The following TBXAS1 variants were observed in gnomAD, a reference collection of about 807,000 sequenced individuals.
The protein encoded by TBXAS1 is thromboxane-A synthase.
A neutral mutation model predicts 60.7 loss-of-function variants in TBXAS1; 48 were observed. The observed-to-expected ratio is 0.79, with a 90% confidence interval of 0.63 to 1.01. The LOEUF (loss-of-function observed/expected upper bound fraction) is 1.01, where lower values mean the gene tolerates loss of function less well. Ranked by LOEUF, TBXAS1 falls within the 50% of genes least tolerant of loss-of-function variation. The probability of loss-of-function intolerance (pLI) is 0.00; values close to 1 mark genes in which losing one functional copy is unlikely to be tolerated. For synonymous variants in TBXAS1, 287 were observed against 269.7 expected (o/e 1.06, Z -0.63); for missense variants, 685 against 686.3 (o/e 1.00, Z 0.02).
chr7:139,924,973 T>C (rs974295672), intron 4 of TBXAS1, among the ~76,000 whole-genome samples: 4 of 152,196 alleles, frequency 2.6e-5, no homozygotes, highest in African/African-American at 7.2e-5. Context: ...TGTAGATGTA[T>C]AGATTTGTTT....
chr7:139,815,593 C>T (rs1237565890), intron 4 of TBXAS1, among the ~76,000 whole-genome samples: 1 of 152,186 alleles, frequency 6.6e-6, no homozygotes, highest in Non-Finnish European at 1.5e-5. Flanking sequence ...CCCACACACA[C>T]CTTATGTTAC....
intron 3 of TBXAS1, among the ~76,000 whole-genome samples, chr7:139,785,189 G>A (rs763568629): frequency 6.6e-6 from 1 of 152,084 alleles, no homozygotes; most frequent in Non-Finnish European, 1.5e-5. Context: ...TTTAGGGGCC[G>A]TGTCCTTCTC....
chr7:139,985,880 A>G (rs1812418933), intron 9 of TBXAS1, among the ~76,000 whole-genome samples: 1 of 151,992 alleles, frequency 6.6e-6, no homozygotes, highest in South Asian at 2.1e-4. Context: ...GCCCTCCCCC[A>G]TAGTGTGTGG....
In TBXAS1 at chr7:139,805,708, TTC is replaced by T. The variant is rs1491295874; in HGVS notation, c.-80+18284_-80+18285del. On this transcript the variant is annotated intron_variant, in intron 4 of 16. Coordinates refer to the TBXAS1 transcript ENST00000336425. ...TTTCTTTCTTTCTTTCTTTCTTTCT[TTC>T]TTTCTCTCTCTCTCTCTCTCTTTCT... Among the ~76,000 whole-genome samples the T allele has an allele frequency of 3.9e-3, 82 of 21,156 alleles. 3 individuals carry two copies. The highest frequency in any genetic ancestry group is 0.012 in the African/African-American group (72 of 6,238). 13.9% of individuals were successfully genotyped at this position (21,156 alleles called of 152,430 possible). A position where few individuals can be genotyped will look rare whatever the true frequency, so the allele number is the denominator to read the frequency against.
rs5764 is a variant in TBXAS1, at chr7:140,017,687, C to G, written c.1381C>G (p.Arg461Gly). ...FNPERFTAEA[R>G]QQHRPFTYLP... ...GACCTGCAGGTTCACGGCTGAGGCC[C>G]GGCAGCAGCACCGGCCCTTCACGTA... The change falls in exon 12 of 13, where the codon CGG becomes GGG. Residue 461 changes from arginine (R) to glycine (G), a missense_variant. Coordinates refer to ENST00000448866, the MANE Select transcript of TBXAS1 (RefSeq NM_001061.7). 3.1e-6 allele frequency: 5 copies of G among 1,613,276 alleles called. No individual in the cohort carries two copies. Among genetic ancestry groups the G allele is most frequent in the South Asian group, 1.1e-5 (1 of 91,032 alleles).
In TBXAS1 at chr7:139,962,180, C is replaced by G; in HGVS notation, c.1081C>G (p.Pro361Ala). The change falls in exon 9 of 13, where the codon CCT (proline) becomes GCT (alanine). Residue 361 changes from proline to alanine, a missense_variant. Transcript: ENST00000448866. ...SFATYLLATN[P>A]DCQEKLLREV... Reference sequence around the variant, plus strand: ...TGCCACCTACCTACTGGCCACCAACCCTGACTGCCAAGAGAAGCTTCTGAG... The same window carrying G: ...TGCCACCTACCTACTGGCCACCAACGCTGACTGCCAAGAGAAGCTTCTGAG... The G allele has an allele frequency of 1.2e-6, 2 of 1,614,188 alleles. No homozygotes were observed. The highest frequency in any genetic ancestry group is 2.2e-5 in the East Asian group (1 of 44,882).
chr7:139,956,964 A>G (rs41730), intron 7 of TBXAS1, among the ~76,000 whole-genome samples: 151,640 of 152,380 alleles, frequency 1, 75,454 homozygotes, highest in East Asian at 1. Context: ...AGAGCCCGGT[A>G]CAGGGTGAAC....
chr7:139,842,888 T>C (rs527862278), intron 1 of TBXAS1, among the ~76,000 whole-genome samples: 2 of 152,268 alleles, frequency 1.3e-5, no homozygotes, highest in African/African-American at 4.8e-5. Flanking sequence ...GCCCCTTTTT[T>C]CCCCTCGAAG....
At chr7:139,945,803 A>C (rs1263213072) in intron 5 of TBXAS1, among the ~76,000 whole-genome samples, 1 of 152,178 alleles carries the variant, frequency 6.6e-6, no homozygotes, top group Admixed American at 6.5e-5. Flanking sequence ...AGAGGGACTG[A>C]GGGCTGAGGC....
chr7:139,879,564 G>A (rs779554750), intron 3 of TBXAS1, among the ~76,000 whole-genome samples: 8 of 151,644 alleles, frequency 5.3e-5, no homozygotes, highest in African/African-American at 9.7e-5. Context: ...CAACATTATC[G>A]TCATACATTG....
At chr7:139,957,866 C>T (rs748798227) in intron 8 of TBXAS1, 102 bp downstream of exon 8, 161 of 1,529,934 alleles carry the variant, frequency 1.1e-4, no homozygotes, top group Non-Finnish European at 1.3e-4. Flanking sequence ...CACATCACAC[C>T]GTGCCGTCCT....
chr7:139,844,309 A>G (rs1414159165), intron 1 of TBXAS1, among the ~76,000 whole-genome samples: 1 of 152,156 alleles, frequency 6.6e-6, no homozygotes, highest in Non-Finnish European at 1.5e-5. Context: ...GTTTGAAGCA[A>G]TGGTATCTCA....
intron 1 of TBXAS1, among the ~76,000 whole-genome samples, chr7:139,850,241 T>G (rs1246416434): frequency 3.3e-5 from 5 of 152,232 alleles, no homozygotes; most frequent in African/African-American, 1.2e-4. Flanking sequence ...GGAGGTTTCT[T>G]GCAATCCAGA....
chr7:139,928,933 T>A (rs1386063204), intron 4 of TBXAS1, among the ~76,000 whole-genome samples: 1 of 152,184 alleles, frequency 6.6e-6, no homozygotes, highest in African/African-American at 2.4e-5. Context: ...GGAGATGTTC[T>A]CTAAACTGTG....
intron 8 of TBXAS1, among the ~76,000 whole-genome samples, chr7:139,960,681 G>A (rs1456116907): frequency 1.3e-5 from 2 of 151,800 alleles, no homozygotes; most frequent in African/African-American, 4.8e-5. Context: ...GGGAGGTGGA[G>A]GTTGCAGTGA....
Position 139,780,718 on chromosome 7 carries a change from CT to C in TBXAS1, c.-317-18del, listed in dbSNP as rs1370211416. ...TCCTCCCTCTGACCAGCCCCACTGACTTTTGTCTCATCTTTCCTTAGGCTCA... is the reference window on the plus strand; with the variant it reads ...TCCTCCCTCTGACCAGCCCCACTGACTTTGTCTCATCTTTCCTTAGGCTCA... On this transcript the variant is annotated intron_variant, in intron 1 of 16. Coordinates refer to the TBXAS1 transcript ENST00000336425. The C allele has an allele frequency of 2.6e-5, 4 of 154,244 alleles. 1 individual carries two copies. The highest frequency in any genetic ancestry group is 4.4e-5 in the Non-Finnish European group (3 of 68,186). 9.6% of individuals were successfully genotyped at this position (154,244 alleles called of 1,614,324 possible).
At chr7:140,014,461 G>A (rs1402340469) in intron 10 of TBXAS1, among the ~76,000 whole-genome samples, 3 of 152,114 alleles carry the variant, frequency 2.0e-5, no homozygotes, top group Non-Finnish European at 2.9e-5. Context: ...AATCTGGGAG[G>A]GCAGACGAAA....
intron 3 of TBXAS1, among the ~76,000 whole-genome samples, chr7:139,901,753 A>G (rs1804593985): frequency 6.6e-6 from 1 of 151,966 alleles, no homozygotes; most frequent in African/African-American, 2.4e-5. Flanking sequence ...CAAGCCCTCG[A>G]GGCTGGAAAC....
intron 8 of TBXAS1, among the ~76,000 whole-genome samples, chr7:139,959,929 A>C (rs1482938643): frequency 1.3e-5 from 2 of 152,104 alleles, no homozygotes; most frequent in African/African-American, 2.4e-5. Context: ...GCTCTGCTCC[A>C]TGGGAGCAGG....
Sources: gnomAD v4.1 joint callset for allele counts (sites outside exome capture counted in the v4.1 genomes callset) on GRCh38, gnomAD v4.1.1 for gene constraint, MANE v1.5 for transcripts, NCBI Gene and HGNC (gene_info 2026-07-23, HGNC 2026-07-21) for gene names.